Variants in CPAMD8 observed in about 807,000 individuals in gnomAD.
The protein encoded by CPAMD8 is C3 and PZP-like alpha-2-macroglobulin domain-containing protein 8.
CPAMD8 carries 146 observed loss-of-function variants against 224.7 expected under a neutral mutation model. The observed-to-expected ratio is 0.65, with a 90% CI of 0.57 to 0.75. The LOEUF (loss-of-function observed/expected upper bound fraction) is 0.75, where lower values mean the gene tolerates loss of function less well. CPAMD8 is among the 30% of genes least tolerant of loss of function. The pLI is 0.00. For synonymous variants in CPAMD8, 966 were observed against 1,044.6 expected, an observed-to-expected ratio of 0.92 and a Z score of 1.45; for missense variants, 2,301 against 2,537.5, an observed-to-expected ratio of 0.91 and a Z score of 2.00.
intron 3 of CPAMD8, among the ~76,000 whole-genome samples, chr19:17,019,097 G>A (rs1394267931): frequency 1.3e-5 from 2 of 152,082 alleles, no homozygotes; most frequent in East Asian, 1.9e-4. Context: ...GAAACACCAC[G>A]GTGTTTTGTT....
chr19:16,941,947 T>C (rs949029500), intron 22 of CPAMD8, among the ~76,000 whole-genome samples: 1 of 152,008 alleles, frequency 6.6e-6, no homozygotes, highest in African/African-American at 2.4e-5. Context: ...CACTCCAGCG[T>C]GGCGACAGAG....
Position 17,022,046 on chromosome 19 carries a change from G to A in CPAMD8, c.228C>T (p.Ser76=). 6.2e-7 allele frequency: 1 copy of A among 1,604,482 alleles called. No homozygotes were observed. ...GGGACCTACCCAGGATGGCTCCCTGGCTCTGCACCACCGGCTCACCCTGGG... is the reference window on the plus strand; with the variant it reads ...GGGACCTACCCAGGATGGCTCCCTGACTCTGCACCACCGGCTCACCCTGGG... ...LVAQGEPVVQ[S]QGAILDKGTI... Residue 76 remains serine (S), a synonymous_variant, in exon 2 of 42, where the codon AGC becomes AGT. Transcript: ENST00000443236.
intron 13 of CPAMD8, among the ~76,000 whole-genome samples, chr19:16,983,525 C>T (rs2055590621): frequency 6.6e-6 from 1 of 151,980 alleles, no homozygotes; most frequent in East Asian, 1.9e-4. Flanking sequence ...CAGAGCAAGA[C>T]CCTGTCTCAA....
chr19:16,944,403 G>A (rs2122225166), intron 22 of CPAMD8, among the ~76,000 whole-genome samples: 1 of 152,324 alleles, frequency 6.6e-6, no homozygotes, highest in Non-Finnish European at 1.5e-5. Context: ...ATGGATGGGA[G>A]GAAAGGCTCC....
chr19:17,002,800 C>T (rs906051361), intron 8 of CPAMD8, among the ~76,000 whole-genome samples: 16 of 152,066 alleles, frequency 1.1e-4, no homozygotes, highest in East Asian at 7.7e-4. Context: ...TCACCAGGGG[C>T]GGAGGTGACA....
intron 18 of CPAMD8, among the ~76,000 whole-genome samples, chr19:16,970,027 G>A (rs1191475221): frequency 6.6e-6 from 1 of 150,838 alleles, no homozygotes; most frequent in Non-Finnish European, 1.5e-5. Context: ...AAGGTCAGGA[G>A]ATCGAGACCA....
intron 13 of CPAMD8, among the ~76,000 whole-genome samples, chr19:16,983,548 T>C (rs1305301929): frequency 6.6e-6 from 1 of 151,742 alleles, no homozygotes; most frequent in Non-Finnish European, 1.5e-5. Flanking sequence ...ATAAATTAAT[T>C]AAAAACAAAG....
intron 3 of CPAMD8, among the ~76,000 whole-genome samples, chr19:17,012,695 C>G (rs1335599212): frequency 6.6e-6 from 1 of 152,182 alleles, no homozygotes; most frequent in African/African-American, 2.4e-5. Flanking sequence ...ATGGAGCCTT[C>G]TCTTCTGACT....
At chr19:16,896,069 G>GCGGGGCGGAGGAGT in intron 41 of CPAMD8, 107 bp downstream of exon 41, 1 of 1,271,114 alleles carries the variant, frequency 7.9e-7, no homozygotes, top group Non-Finnish European at 1.1e-6. Context: ...GGGGGTCGGG[G>GCGGGGCGGAGGAGT]CGGGGCGGAG....
At chr19:16,955,851 AT>A (rs919721437) in intron 19 of CPAMD8, among the ~76,000 whole-genome samples, 7 of 151,312 alleles carry the variant, frequency 4.6e-5, no homozygotes, top group East Asian at 1.9e-4. Context: ...TAATTTAAAA[AT>A]TTTTTTTAGA....
intron 29 of CPAMD8, among the ~76,000 whole-genome samples, chr19:16,913,826 G>A (rs2052820635): frequency 6.6e-6 from 1 of 152,118 alleles, no homozygotes; most frequent in African/African-American, 2.4e-5. Context: ...TTTATCATGA[G>A]AGATTGTAGA....
In CPAMD8 at chr19:16,967,901, A is replaced by G. The variant is rs528406583; in HGVS notation, c.2213+2990T>C. Among the ~76,000 whole-genome samples, 241 of 149,212 alleles carry G rather than the reference A, an allele frequency of 1.6e-3. 3 individuals carry two copies. Among genetic ancestry groups the G allele is most frequent in the African/African-American group, 5.6e-3 (222 of 39,352 alleles). On this transcript the variant is annotated intron_variant, in intron 18 of 41. Coordinates refer to ENST00000443236, the MANE Select transcript of CPAMD8 (RefSeq NM_015692.5). ...CATATATACACACACATGTGTGTGT[A>G]TATATGTGCATATATACACACACAT...
At position 16,964,622 on chromosome 19, in the gene CPAMD8, C is replaced by A. The variant is rs2054765531; in HGVS notation, c.2213+6269G>T. Among the ~76,000 whole-genome samples, 5 of 152,184 alleles carry A rather than the reference C, an allele frequency of 3.3e-5. No individual in the cohort carries two copies. The South Asian group carries it at 1.0e-3, about 32-fold the overall frequency. ...ATTCCACCAGAAGTACAAAGAGGAG[C>A]TGATACCATTCCTTCTGAAACTATT... On this transcript the variant is annotated intron_variant, in intron 18 of 41. Coordinates refer to ENST00000443236, the MANE Select transcript of CPAMD8 (RefSeq NM_015692.5).
chr19:16,945,867 GTA>G (rs2054057761), intron 21 of CPAMD8, among the ~76,000 whole-genome samples, 188 bp from the exon 22 acceptor site: 1 of 152,108 alleles, frequency 6.6e-6, no homozygotes, highest in Non-Finnish European at 1.5e-5. Flanking sequence ...GTGTTTGAAT[GTA>G]CAGGCTCATG....
Position 16,904,482 on chromosome 19 carries a change from G to C in CPAMD8, c.4098C>G (p.Asp1366Glu). The C allele has an allele frequency of 6.2e-7, 1 of 1,614,028 alleles. No individual in the cohort carries two copies. Among genetic ancestry groups the C allele is most frequent in the Non-Finnish European group, 8.5e-7 (1 of 1,179,870 alleles). Residue 1366 changes from aspartate to glutamate, a missense_variant, in exon 31 of 42, where the codon GAC becomes GAG. Physicochemically the swap from Asp to Glu is conservative, Grantham distance 45 (BLOSUM62 2). Coordinates refer to ENST00000443236, the MANE Select transcript of CPAMD8 (RefSeq NM_015692.5). ...GGCCAGTACCTGACTGAGAGACCCT[G>C]TCACTGAAGCTCAAGAATGTGCCCT... Reference protein sequence around the residue: ...VDKGTFLSFSDRVSQSVVSAE... With the variant: ...VDKGTFLSFSERVSQSVVSAE...
At chr19:16,990,267 C>T (rs1042675616) in intron 12 of CPAMD8, among the ~76,000 whole-genome samples, 1 of 151,464 alleles carries the variant, frequency 6.6e-6, no homozygotes, top group African/African-American at 2.4e-5. Flanking sequence ...AAAAAAGAAG[C>T]AAGCATCCAA....
intron 41 of CPAMD8, 160 bp downstream of exon 41, chr19:16,896,015 AG>A: frequency 1.3e-6 from 1 of 796,752 alleles, no homozygotes; most frequent in Admixed American, 1.9e-5. Flanking sequence ...CTTTGTCCCC[AG>A]GAACTCTGAG....
At position 16,964,384 on chromosome 19, in the gene CPAMD8, A is replaced by G. The variant is rs149061885; in HGVS notation, c.2214-6469T>C. Among the ~76,000 whole-genome samples the G allele has an allele frequency of 2.8e-3, 419 of 152,338 alleles. 1 individual carries two copies. Among genetic ancestry groups the G allele is most frequent in the African/African-American group, 9.7e-3 (404 of 41,578 alleles). Reference sequence around the variant, plus strand: ...TCACCACCGATCCCACAGAAATACAAACTACCATCAGAGAATACTGTAAAC... The same window carrying G: ...TCACCACCGATCCCACAGAAATACAGACTACCATCAGAGAATACTGTAAAC... On this transcript the variant is annotated intron_variant, in intron 18 of 41. Transcript: ENST00000443236.
At position 17,002,319 on chromosome 19, in the gene CPAMD8, C is replaced by G. The variant is rs773907220; in HGVS notation, c.705G>C (p.Pro235=). The change falls in exon 9 of 42, where the codon CCG becomes CCC. Residue 235 remains proline (P), a synonymous_variant. Coordinates refer to ENST00000443236, the MANE Select transcript of CPAMD8 (RefSeq NM_015692.5). ...VLPKFELLID[P]PRYIQDLDAC... is the part of the protein sequence containing the mutation. ...CGTCCAGGTCTTGGATATACCGGGG[C>G]GGGTCAATCAGAAGCTCAAACTTGG... The G allele has an allele frequency of 6.2e-7, 1 of 1,606,490 alleles. No individual in the cohort carries two copies. The highest frequency in any genetic ancestry group is 8.5e-7 in the Non-Finnish European group (1 of 1,175,702).
Sources: gnomAD v4.1 joint callset for allele counts (sites outside exome capture counted in the v4.1 genomes callset) on GRCh38, gnomAD v4.1.1 for gene constraint, MANE v1.5 for transcripts, NCBI Gene and HGNC (gene_info 2026-07-23, HGNC 2026-07-21) for gene names.